The following VRK2 variants were observed in gnomAD, a reference collection of about 807,000 sequenced individuals.
The protein encoded by VRK2 is serine/threonine-protein kinase VRK2.
In VRK2, 60 loss-of-function variants were observed where a neutral mutation model predicts 57.6. The observed-to-expected ratio is 1.04, with a 90% confidence interval of 0.85 to 1.29. The LOEUF is 1.29. VRK2 is among the 50% of genes most tolerant of loss of function. The probability of loss-of-function intolerance (pLI) is 0.00; values close to 1 mark genes in which losing one functional copy is unlikely to be tolerated. For missense variants in VRK2, 705 were observed against 588.1 expected, an observed-to-expected ratio of 1.20 and a Z score of -2.06; for synonymous variants, 231 against 199.2, an observed-to-expected ratio of 1.16 and a Z score of -1.35.
In VRK2 at chr2:58,101,375, T is replaced by C. The variant is rs561046834; in HGVS notation, c.543+11652T>C. ...GTAAATTATAGATATCATTACATTT[T>C]ACTTAAATACTTTAGTATGTATGCA... is the stretch of plus-strand genomic sequence containing the variant. On this transcript the variant is annotated intron_variant, in intron 7 of 12. Coordinates refer to ENST00000340157, the MANE Select transcript of VRK2 (RefSeq NM_006296.7). Among the ~76,000 whole-genome samples the C allele has an allele frequency of 1.7e-3, 262 of 151,856 alleles. 4 individuals are homozygous for C. The highest frequency in any genetic ancestry group is 0.01 in the Middle Eastern group (3 of 294).
chr2:58,143,183 T>G (rs931915075), intron 11 of VRK2, among the ~76,000 whole-genome samples: 3 of 152,034 alleles, frequency 2.0e-5, no homozygotes, highest in Admixed American at 2.0e-4. Context: ...ATACAGATTC[T>G]TAATTAGAAG....
intron 1 of VRK2, among the ~76,000 whole-genome samples, chr2:57,991,400 G>A (rs1273223117): frequency 1.3e-5 from 2 of 151,830 alleles, no homozygotes; most frequent in Non-Finnish European, 2.9e-5. Context: ...GTGGTAACAG[G>A]TGGAGGCACT....
At chr2:58,138,359 G>A (rs924986127) in intron 10 of VRK2, among the ~76,000 whole-genome samples, 3 of 152,026 alleles carry the variant, frequency 2.0e-5, no homozygotes, top group Admixed American at 1.3e-4. Context: ...CTGGTTGACC[G>A]AATGCTAGAT....
At chr2:57,909,476 G>T (rs1456136180) in intron 1 of VRK2, among the ~76,000 whole-genome samples, 1 of 111,592 alleles carries the variant, frequency 9.0e-6, no homozygotes, top group East Asian at 2.8e-4. Flanking sequence ...GTGTGTGTGT[G>T]TTTTTTTTTT....
At chr2:58,063,911 A>G (rs1358559730) in intron 2 of VRK2, among the ~76,000 whole-genome samples, 1 of 152,108 alleles carries the variant, frequency 6.6e-6, no homozygotes, top group African/African-American at 2.4e-5. Flanking sequence ...GTTTGGAAGA[A>G]GTTGTTTCCA....
intron 1 of VRK2, among the ~76,000 whole-genome samples, chr2:57,965,124 C>T (rs1671876174): frequency 1.3e-5 from 2 of 152,246 alleles, no homozygotes; most frequent in South Asian, 4.1e-4. Context: ...TAGGTATATA[C>T]TGTATTATTT....
At chr2:57,941,807 A>G (rs534752208) in intron 1 of VRK2, among the ~76,000 whole-genome samples, 2 of 152,346 alleles carry the variant, frequency 1.3e-5, no homozygotes, top group South Asian at 4.1e-4. Flanking sequence ...CATTAGTGAC[A>G]CTTGAAATGT....
chr2:58,127,688 T>A (rs1678574637), intron 8 of VRK2, among the ~76,000 whole-genome samples: 1 of 152,208 alleles, frequency 6.6e-6, no homozygotes, highest in South Asian at 2.1e-4. Flanking sequence ...GAACATCTTA[T>A]TCAGATGTTT....
chr2:58,150,952 A>G (rs1383424338), intron 12 of VRK2, among the ~76,000 whole-genome samples: 3 of 151,336 alleles, frequency 2.0e-5, no homozygotes, highest in Non-Finnish European at 4.4e-5. Context: ...CTTTTTTGTT[A>G]TTGATTTCTA....
chr2:57,947,644 G>T (rs1671302660), intron 1 of VRK2, among the ~76,000 whole-genome samples: 1 of 152,122 alleles, frequency 6.6e-6, no homozygotes, highest in South Asian at 2.1e-4. Flanking sequence ...GTTCAACACA[G>T]CTCCTACCAG....
chr2:58,045,893 G>C (rs189684623), upstream of VRK2, among the ~76,000 whole-genome samples: 31 of 152,202 alleles, frequency 2.0e-4, no homozygotes, highest in African/African-American at 7.5e-4. Context: ...GCCCAGGCTG[G>C]GGTGCAGTGG....
At chr2:58,012,633 T>C (rs917315621) in intron 1 of VRK2, among the ~76,000 whole-genome samples, 1 of 152,232 alleles carries the variant, frequency 6.6e-6, no homozygotes, top group African/African-American at 2.4e-5. Flanking sequence ...CTTGAAACCA[T>C]GTAAGGGCCT....
chr2:58,154,631 T>A (rs1683517792), intron 12 of VRK2: 1 of 643,572 alleles, frequency 1.6e-6, no homozygotes, highest in Admixed American at 2.7e-5. Flanking sequence ...ATGTATTTTT[T>A]AATTTTCCTG....
At chr2:58,089,824 T>C in intron 7 of VRK2, 101 bp downstream of exon 7, 1 of 748,644 alleles carries the variant, frequency 1.3e-6, no homozygotes, top group Non-Finnish European at 2.3e-6. Context: ...AATGAGGGCG[T>C]AACATGATGA....
rs576478554 is a variant in VRK2 at position 58,000,084 on chromosome 2, C to A, written c.-438-25581C>A. Among the ~76,000 whole-genome samples, 223 of 152,250 alleles carry A rather than the reference C, an allele frequency of 1.5e-3. 3 individuals are homozygous for A. Among genetic ancestry groups the A allele is most frequent in the African/African-American group, 5.1e-3 (210 of 41,540 alleles). ...TAAGAATGCAAATTTAATGCACTAG[C>A]TTTTCCCCCATGCATTCAATTATTT... On this transcript the variant is annotated intron_variant, in intron 1 of 15. Transcript: ENST00000417641.
chr2:58,024,673 G>A (rs1673869952), intron 1 of VRK2, among the ~76,000 whole-genome samples: 2 of 152,074 alleles, frequency 1.3e-5, no homozygotes, highest in Non-Finnish European at 2.9e-5. Flanking sequence ...GAGCAAATCT[G>A]TTACCTCCCA....
chr2:58,124,149 TAA>T (rs1413594350), intron 8 of VRK2, among the ~76,000 whole-genome samples: 1 of 152,208 alleles, frequency 6.6e-6, no homozygotes, highest in African/African-American at 2.4e-5. Flanking sequence ...CCTAATTAGT[TAA>T]AGTCATAACC....
intron 2 of VRK2, among the ~76,000 whole-genome samples, chr2:58,069,438 C>G (rs759077618): frequency 6.6e-6 from 1 of 152,146 alleles, no homozygotes; most frequent in Non-Finnish European, 1.5e-5. Flanking sequence ...TCTCTCCCTC[C>G]ATGGTCTCCT....
intron 7 of VRK2, among the ~76,000 whole-genome samples, chr2:58,118,432 A>G (rs532430907): frequency 1.3e-5 from 2 of 152,242 alleles, no homozygotes. Flanking sequence ...CTACCAGAAA[A>G]TGAAAGGAAT....
Sources: gnomAD v4.1 joint callset for allele counts (sites outside exome capture counted in the v4.1 genomes callset) on GRCh38, gnomAD v4.1.1 for gene constraint, MANE v1.5 for transcripts, NCBI Gene and HGNC (gene_info 2026-07-23, HGNC 2026-07-21) for gene names.